Variants in CSMD3 observed in about 807,000 individuals in gnomAD.
CSMD3 encodes CUB and sushi domain-containing protein 3.
A neutral mutation model predicts 435.2 loss-of-function variants in CSMD3; 177 were observed. The observed-to-expected ratio is 0.41, with a 90% CI of 0.36 to 0.46. CSMD3 has a LOEUF of 0.46. Ranked by LOEUF, CSMD3 falls within the 20% of genes least tolerant of loss-of-function variation. The probability of loss-of-function intolerance (pLI) is 0.34; values close to 1 mark genes in which losing one functional copy is unlikely to be tolerated. For missense variants in CSMD3, 4,265 were observed against 4,504.6 expected (o/e 0.95, Z 1.52); for synonymous variants, 1,656 against 1,520.5 (o/e 1.09, Z -2.07).
intron 53 of CSMD3, among the ~76,000 whole-genome samples, chr8:112,300,316 G>A (rs1820794637): frequency 6.7e-6 from 1 of 148,794 alleles, no homozygotes; most frequent in Non-Finnish European, 1.5e-5. Flanking sequence ...AAATTTATAT[G>A]TAAACTAAGT....
Position 113,287,316 on chromosome 8 carries a change from AAACT to A in CSMD3, c.402-8616_402-8613del, listed in dbSNP as rs1198725268. On this transcript the variant is annotated intron_variant, in intron 2 of 70. Coordinates refer to ENST00000297405, the MANE Select transcript of CSMD3 (RefSeq NM_198123.2). ...TATACAGAGAATTCTCTGCTGAAAC[AAACT>A]ATTAGCCTATTTAATGTCACAATAA... is the stretch of plus-strand genomic sequence containing the variant. Among the ~76,000 whole-genome samples the A allele has an allele frequency of 3.2e-4, 49 of 152,170 alleles. 1 individual carries two copies. Among genetic ancestry groups the A allele is most frequent in the South Asian group, 1.5e-3 (7 of 4,822 alleles).
At chr8:112,774,287 A>G (rs1375639255) in intron 13 of CSMD3, among the ~76,000 whole-genome samples, 2 of 152,030 alleles carry the variant, frequency 1.3e-5, no homozygotes, top group Non-Finnish European at 2.9e-5. Flanking sequence ...ATCAAAATTT[A>G]TATTTCAGAT....
At chr8:112,231,419 G>A in intron 69 of CSMD3, 126 bp downstream of exon 69, 2 of 728,718 alleles carry the variant, frequency 2.7e-6, no homozygotes, top group South Asian at 1.5e-5. Flanking sequence ...AGGTATCAAT[G>A]CATAGTTCTG....
chr8:112,368,984 G>T (rs1828057110), intron 38 of CSMD3, among the ~76,000 whole-genome samples: 1 of 152,042 alleles, frequency 6.6e-6, no homozygotes, highest in African/African-American at 2.4e-5. Context: ...GCATAATGTT[G>T]TATAACCTTC....
chr8:113,108,985 T>C (rs990205911), intron 4 of CSMD3, among the ~76,000 whole-genome samples: 2 of 152,084 alleles, frequency 1.3e-5, no homozygotes, highest in Admixed American at 6.5e-5. Context: ...ACTCAAACAA[T>C]CATAAAGAAG....
chr8:113,107,203 G>A (rs2090505165), intron 4 of CSMD3, among the ~76,000 whole-genome samples: 1 of 152,226 alleles, frequency 6.6e-6, no homozygotes, highest in Non-Finnish European at 1.5e-5. Context: ...AGAAGTGGTG[G>A]TGGTGGCATC....
chr8:112,238,735 A>T (rs1563672887), intron 66 of CSMD3, among the ~76,000 whole-genome samples: 1 of 151,816 alleles, frequency 6.6e-6, no homozygotes, highest in Non-Finnish European at 1.5e-5. Flanking sequence ...AAAAATTATA[A>T]GTGTTGAATT....
intron 7 of CSMD3, among the ~76,000 whole-genome samples, chr8:112,960,496 G>A (rs967230303): frequency 2.0e-5 from 3 of 151,628 alleles, no homozygotes; most frequent in African/African-American, 7.3e-5. Context: ...ATGTTTCTGG[G>A]TTACACAGGA....
intron 37 of CSMD3, among the ~76,000 whole-genome samples, chr8:112,381,640 A>G (rs531872880): frequency 1.3e-4 from 20 of 152,278 alleles, no homozygotes; most frequent in African/African-American, 4.6e-4. Context: ...CACAGCACAC[A>G]CTTGCTTCTT....
intron 5 of CSMD3, among the ~76,000 whole-genome samples, chr8:113,074,458 CT>C (rs2089259282): frequency 6.6e-6 from 1 of 151,726 alleles, no homozygotes; most frequent in African/African-American, 2.4e-5. Flanking sequence ...TAAGACAGAC[CT>C]TTCTACCAGG....
intron 1 of CSMD3, among the ~76,000 whole-genome samples, chr8:113,315,599 T>C (rs565454174): frequency 6.1e-4 from 90 of 148,714 alleles, no homozygotes; most frequent in Admixed American, 1.8e-3. Context: ...CAGGTATATA[T>C]ATTAAATATA....
At chr8:112,288,297 G>A (rs1353260368) in intron 57 of CSMD3, among the ~76,000 whole-genome samples, 5 of 151,616 alleles carry the variant, frequency 3.3e-5, no homozygotes, top group Non-Finnish European at 5.9e-5. Flanking sequence ...CTGTGTGTTC[G>A]CATGTATAAG....
intron 3 of CSMD3, among the ~76,000 whole-genome samples, chr8:113,256,491 C>T (rs1040931817): frequency 1.3e-5 from 2 of 152,152 alleles, no homozygotes; most frequent in Non-Finnish European, 2.9e-5. Flanking sequence ...ACAATGTGCT[C>T]ACTAGGAAAA....
At chr8:112,501,263 C>T (rs1284400049) in intron 30 of CSMD3, among the ~76,000 whole-genome samples, 4 of 151,720 alleles carry the variant, frequency 2.6e-5, no homozygotes, top group East Asian at 1.9e-4. Flanking sequence ...GCAATATACA[C>T]CATAGTTAAA....
chr8:112,296,076 G>T, intron 53 of CSMD3, 70 bp from the exon 54 acceptor site: 1 of 1,225,372 alleles, frequency 8.2e-7, no homozygotes, highest in Non-Finnish European at 1.2e-6. Context: ...TATACATGTG[G>T]AACATGAGCA....
At position 112,243,075 on chromosome 8, in the gene CSMD3, T is replaced by C. The variant is rs1035394624; in HGVS notation, c.10403-1290A>G. 7.2e-5 allele frequency among the ~76,000 whole-genome samples: 11 copies of C among 152,232 alleles called. No individual in the cohort carries two copies. The South Asian group carries it at 1.7e-3, about 23-fold the overall frequency. Reference sequence around the variant, plus strand: ...GCTTTTCACATGTAAGGTACTGATTTGTGTTAAAATTACAGTTGTAAACAC... The same window carrying C: ...GCTTTTCACATGTAAGGTACTGATTCGTGTTAAAATTACAGTTGTAAACAC... On this transcript the variant is annotated intron_variant, in intron 65 of 70. Coordinates refer to ENST00000297405, the MANE Select transcript of CSMD3 (RefSeq NM_198123.2).
intron 5 of CSMD3, among the ~76,000 whole-genome samples, chr8:113,071,705 T>C (rs1325369990): frequency 1.3e-5 from 2 of 151,900 alleles, no homozygotes; most frequent in Admixed American, 1.3e-4. Context: ...GATTACTGGA[T>C]ATTTGTAATA....
intron 1 of CSMD3, among the ~76,000 whole-genome samples, chr8:113,347,321 T>C (rs2132884330): frequency 6.6e-6 from 1 of 152,202 alleles, no homozygotes; most frequent in Non-Finnish European, 1.5e-5. Flanking sequence ...CTAGTGCTAA[T>C]AACTGCTCTG....
intron 1 of CSMD3, among the ~76,000 whole-genome samples, chr8:113,426,611 AG>A (rs2094637090): frequency 6.6e-6 from 1 of 151,504 alleles, no homozygotes; most frequent in Non-Finnish European, 1.5e-5. Flanking sequence ...TAGCTATCAA[AG>A]AAGAAACAAA....
Sources: gnomAD v4.1 joint callset for allele counts (sites outside exome capture counted in the v4.1 genomes callset) on GRCh38, gnomAD v4.1.1 for gene constraint, MANE v1.5 for transcripts, NCBI Gene and HGNC (gene_info 2026-07-23, HGNC 2026-07-21) for gene names.